MYT1L: variants seen among roughly 807,000 people sequenced by gnomAD.
The protein encoded by MYT1L is myelin transcription factor 1 like.
In MYT1L, 12 loss-of-function variants were observed where a neutral mutation model predicts 126.7. The ratio of observed to expected loss-of-function variants is 0.09; its 90% CI spans 0.06 to 0.15. MYT1L has a LOEUF of 0.15. Among genes scored for constraint, MYT1L ranks in the 10% least tolerant of loss-of-function variants. The pLI is 1.00. For missense variants in MYT1L, 979 were observed against 1,585.2 expected, an observed-to-expected ratio of 0.62 and a Z score of 6.49; for synonymous variants, 541 against 604.2, an observed-to-expected ratio of 0.90 and a Z score of 1.53.
chr2:2,171,358 C>A (rs912658173), intron 3 of MYT1L, among the ~76,000 whole-genome samples: 1 of 152,208 alleles, frequency 6.6e-6, no homozygotes, highest in African/African-American at 2.4e-5. Flanking sequence ...TTATCTCAAA[C>A]TACATTGAGC....
intron 18 of MYT1L, chr2:1,884,235 G>A (rs955850640): frequency 2.6e-5 from 4 of 152,204 alleles, no homozygotes; most frequent in South Asian, 2.1e-4. Context: ...GTTTATGAAC[G>A]ATTAGAGACT....
intron 2 of MYT1L, among the ~76,000 whole-genome samples, chr2:2,192,694 A>G (rs2092649112): frequency 6.6e-6 from 1 of 152,080 alleles, no homozygotes; most frequent in East Asian, 1.9e-4. Flanking sequence ...AGCCTCATCC[A>G]AGTGTCTCCA....
intron 8 of MYT1L, among the ~76,000 whole-genome samples, chr2:1,955,487 C>T (rs2058266746): frequency 6.6e-6 from 1 of 152,090 alleles, no homozygotes; most frequent in Non-Finnish European, 1.5e-5. Flanking sequence ...CAAAATATGC[C>T]TCTCTAGAGA....
chr2:2,202,306 A>G (rs1413337655), intron 2 of MYT1L, among the ~76,000 whole-genome samples: 1 of 152,092 alleles, frequency 6.6e-6, no homozygotes, highest in Non-Finnish European at 1.5e-5. Context: ...ACACAAAAAA[A>G]CCTTCAAAAA....
intron 3 of MYT1L, among the ~76,000 whole-genome samples, chr2:2,120,931 C>T (rs923584099): frequency 7.2e-5 from 11 of 151,974 alleles, no homozygotes; most frequent in Non-Finnish European, 1.6e-4. Flanking sequence ...TGCAGACTCC[C>T]CCGAAGTCCA....
chr2:2,109,923 A>G (rs1201634459), intron 3 of MYT1L, among the ~76,000 whole-genome samples: 4 of 119,502 alleles, frequency 3.3e-5, no homozygotes, highest in African/African-American at 1.3e-4. Context: ...ATATATATAT[A>G]TCCCTTTCAG....
In MYT1L at chr2:1,912,165, G is replaced by A; in HGVS notation, c.1619-55C>T. 7.7e-7 allele frequency: 1 copy of A among 1,301,036 alleles called. No individual in the cohort carries two copies. Among genetic ancestry groups the A allele is most frequent in the Non-Finnish European group, 1.1e-6 (1 of 939,536 alleles). 80.6% of individuals were successfully genotyped at this position (1,301,036 alleles called of 1,614,324 possible). A position where few individuals can be genotyped will look rare whatever the true frequency, so the allele number is the denominator to read the frequency against. ...AGTGTTAAAACAGAGGCACGGTTAG[G>A]GCACATGAAAATGCAGTCATTTAAC... On this transcript the variant is annotated intron_variant, in intron 11 of 24. Transcript: ENST00000647738. The surrounding 1 kb of genome is among the most constrained non-coding windows in gnomAD (Gnocchi z 4.3).
chr2:2,066,586 G>C lies in MYT1L; in HGVS notation c.-303-12463C>G, dbSNP rs143299476. 3.9e-3 allele frequency among the ~76,000 whole-genome samples: 601 copies of C among 152,306 alleles called. 6 individuals are homozygous for C. Among genetic ancestry groups the C allele is most frequent in the African/African-American group, 0.014 (573 of 41,556 alleles). ...GATTCTACAGCAAGACCAATTCCAG[G>C]AGAGGCTATGGGGGCAATGCCAAGA... On this transcript the variant is annotated intron_variant, in intron 3 of 24. Coordinates refer to ENST00000647738, the MANE Select transcript of MYT1L (RefSeq NM_001303052.2).
intron 9 of MYT1L, among the ~76,000 whole-genome samples, chr2:1,925,282 A>G (rs2054075329): frequency 6.6e-6 from 1 of 152,220 alleles, no homozygotes; most frequent in Non-Finnish European, 1.5e-5. Flanking sequence ...GTGAACAAGG[A>G]AAGAAAAAGC....
At chr2:2,184,276 A>G (rs1023238927) in intron 2 of MYT1L, among the ~76,000 whole-genome samples, 17 of 152,204 alleles carry the variant, frequency 1.1e-4, no homozygotes, top group South Asian at 2.1e-4. Context: ...TAATAAATAC[A>G]TTACAGTGTT....
At chr2:1,841,639 C>T (rs2041732693) in intron 19 of MYT1L, 1 of 152,230 alleles carries the variant, frequency 6.6e-6, no homozygotes, top group Non-Finnish European at 1.5e-5. Flanking sequence ...CGGGAGTCAC[C>T]AGGAAAGACG....
At chr2:1,882,825 G>A (rs927668179) in intron 18 of MYT1L, among the ~76,000 whole-genome samples, 4 of 152,106 alleles carry the variant, frequency 2.6e-5, no homozygotes, top group African/African-American at 9.7e-5. Context: ...TCTAAGCCTC[G>A]GGATGGTCTA....
At chr2:1,960,610 C>T (rs1002418069) in intron 8 of MYT1L, among the ~76,000 whole-genome samples, 2 of 152,242 alleles carry the variant, frequency 1.3e-5, no homozygotes, top group African/African-American at 4.8e-5. Context: ...GTTTCAGCCA[C>T]ATTAGCAGAG....
rs190589899 is a variant in MYT1L at position 2,270,068 on chromosome 2, G to A, written c.-421+14336C>T. On this transcript the variant is annotated intron_variant, in intron 2 of 24. Transcript: ENST00000647738. ...TGTGGAGAGTCATTAGGTCAAGAGC[G>A]TGGCGTCTTCATGAAGGGACTGGTG... 1.7e-3 allele frequency among the ~76,000 whole-genome samples: 259 copies of A among 152,290 alleles called. 2 individuals are homozygous for A. The highest frequency in any genetic ancestry group is 5.7e-3 in the African/African-American group (238 of 41,562).
chr2:2,139,500 G>A (rs927016604), intron 3 of MYT1L, among the ~76,000 whole-genome samples: 2 of 151,910 alleles, frequency 1.3e-5, no homozygotes, highest in African/African-American at 4.8e-5. Flanking sequence ...TTAGCTGGGC[G>A]TGGTGGTGCG....
chr2:2,318,288 T>C (rs1471375719), intron 1 of MYT1L, among the ~76,000 whole-genome samples: 2 of 152,250 alleles, frequency 1.3e-5, no homozygotes, highest in East Asian at 3.8e-4. Flanking sequence ...ACATTTAATA[T>C]ACATATATTG....
At chr2:2,011,410 GAAAAAAAAA>G (rs1334334174) in intron 4 of MYT1L, among the ~76,000 whole-genome samples, 1 of 91,206 alleles carries the variant, frequency 1.1e-5, no homozygotes, top group Non-Finnish European at 2.3e-5. Context: ...CTCAGAAAAA[GAAAAAAAAA>G]GAAAAAAAAG....
At chr2:2,089,484 T>C (rs551543265) in intron 3 of MYT1L, among the ~76,000 whole-genome samples, 10 of 152,286 alleles carry the variant, frequency 6.6e-5, no homozygotes, top group South Asian at 6.2e-4. Context: ...GAAATCTCGA[T>C]AGTGTTTCAT....
rs73913219 is a variant in MYT1L at position 2,148,965 on chromosome 2, C to T, written c.-304+23907G>A. Among the ~76,000 whole-genome samples, 1,332 of 152,306 alleles carry T rather than the reference C, an allele frequency of 8.7e-3. 21 individuals carry two copies. The highest frequency in any genetic ancestry group is 0.027 in the African/African-American group (1,109 of 41,580). On this transcript the variant is annotated intron_variant, in intron 3 of 24. Coordinates refer to ENST00000647738, the MANE Select transcript of MYT1L (RefSeq NM_001303052.2). ...CCTCCCCCTGCTCCAGTAAGATTCA[C>T]ATCAGGCTGTTACAAGCCTTGCTCT...
Sources: gnomAD v4.1 joint callset for allele counts (sites outside exome capture counted in the v4.1 genomes callset) on GRCh38, gnomAD v4.1.1 for gene constraint, Gnocchi (gnomAD v3.1) non-coding constraint, MANE v1.5 for transcripts, NCBI Gene and HGNC (gene_info 2026-07-23, HGNC 2026-07-21) for gene names.